The following MAML3 variants were observed in gnomAD, a reference collection of about 807,000 sequenced individuals.
MAML3 encodes mastermind-like protein 3.
A neutral mutation model predicts 101.9 loss-of-function variants in MAML3; 27 were observed. That is an observed-to-expected ratio of 0.27 (90% CI 0.20 to 0.37). The LOEUF (loss-of-function observed/expected upper bound fraction) is 0.37, where lower values mean the gene tolerates loss of function less well. Ranked by LOEUF, MAML3 falls within the 10% of genes least tolerant of loss-of-function variation. The probability of loss-of-function intolerance (pLI) is 1.00; values close to 1 mark genes in which losing one functional copy is unlikely to be tolerated. For missense variants in MAML3, 1,316 were observed against 1,444.9 expected (o/e 0.91, Z 1.45); for synonymous variants, 501 against 555.9 (o/e 0.90, Z 1.39).
intron 2 of MAML3, among the ~76,000 whole-genome samples, chr4:139,733,011 C>A (rs1302910044): frequency 6.6e-6 from 1 of 152,136 alleles, no homozygotes; most frequent in South Asian, 2.1e-4. Context: ...CAGGACTAAC[C>A]CTTGCAGGGG....
At chr4:140,082,885 T>C (rs1212654364) in intron 1 of MAML3, among the ~76,000 whole-genome samples, 1 of 152,112 alleles carries the variant, frequency 6.6e-6, no homozygotes, top group Non-Finnish European at 1.5e-5. Flanking sequence ...GAAGGTTCTA[T>C]TTACAAGTGA....
At chr4:139,814,849 C>T (rs189238111) in intron 2 of MAML3, among the ~76,000 whole-genome samples, 102 of 152,250 alleles carry the variant, frequency 6.7e-4, no homozygotes, top group African/African-American at 2.4e-3. Flanking sequence ...CAGTAAAGAG[C>T]GTAGGGCTGG....
chr4:139,755,794 T>C (rs548893327), intron 2 of MAML3, among the ~76,000 whole-genome samples: 270 of 152,228 alleles, frequency 1.8e-3, no homozygotes, highest in African/African-American at 5.3e-3. Context: ...TCTACCAAAA[T>C]TTCTGGTTGT....
chr4:139,932,215 C>T (rs1403271025), intron 1 of MAML3, among the ~76,000 whole-genome samples: 6 of 150,364 alleles, frequency 4.0e-5, no homozygotes, highest in African/African-American at 7.4e-5. Context: ...ATTAGTTCCT[C>T]GATGGTTTAT....
chr4:139,911,650 G>A (rs938603762), intron 1 of MAML3, among the ~76,000 whole-genome samples: 5 of 152,218 alleles, frequency 3.3e-5, no homozygotes, highest in African/African-American at 1.2e-4. Context: ...GGTAGGAGGT[G>A]CAGCCTTTGG....
rs372183119 is a variant in MAML3 at position 139,950,231 on chromosome 4, G to A, written c.469-59264C>T. On this transcript the variant is annotated intron_variant, in intron 1 of 4. Transcript: ENST00000509479. ...AATTTTTTGTATTTTTAGTAGAGACGGGGTTTCACCATGCTGGCCAGGCTG... is the reference window on the plus strand; with the variant it reads ...AATTTTTTGTATTTTTAGTAGAGACAGGGTTTCACCATGCTGGCCAGGCTG... Among the ~76,000 whole-genome samples, 846 of 152,086 alleles carry A rather than the reference G, an allele frequency of 5.6e-3. 10 individuals carry two copies. Among genetic ancestry groups the A allele is most frequent in the African/African-American group, 0.019 (806 of 41,488 alleles).
At chr4:139,742,549 C>T (rs116373049) in intron 2 of MAML3, among the ~76,000 whole-genome samples, 9,391 of 152,242 alleles carry the variant, frequency 0.062, 477 homozygotes, top group Admixed American at 0.14. Context: ...CTCTTAGTAT[C>T]GTCCCTATTA....
chr4:140,124,488 G>A (rs1370961495), intron 1 of MAML3, among the ~76,000 whole-genome samples: 5 of 152,124 alleles, frequency 3.3e-5, no homozygotes, highest in Non-Finnish European at 5.9e-5. Context: ...AAGTTTTCTC[G>A]TAATTTGGGA....
intron 1 of MAML3, among the ~76,000 whole-genome samples, chr4:140,020,071 C>G (rs1305880454): frequency 6.6e-6 from 1 of 152,180 alleles, no homozygotes; most frequent in East Asian, 1.9e-4. Flanking sequence ...TCAGAAGATT[C>G]TTCCCACTGC....
In MAML3 at chr4:139,720,318, G is replaced by A. The variant is rs1422602644; in HGVS notation, c.2422C>T (p.Pro808Ser). 1.3e-6 allele frequency: 2 copies of A among 1,527,466 alleles called. No individual in the cohort carries two copies. Among genetic ancestry groups the A allele is most frequent in the East Asian group, 2.3e-5 (1 of 44,068 alleles). 94.6% of individuals were successfully genotyped at this position (1,527,466 alleles called of 1,614,324 possible). ...CTTCTTACGGCTGCTATATCCTGGG[G>A]AGAACCTGCAGTGAAAAAGAGGACA... ...VQQVNQFQGS[P>S]QDIAAVRSQA... The change falls in exon 5 of 5, where the codon CCC (proline) becomes TCC (serine). Residue 808 changes from proline (P) to serine (S), a missense_variant. By Grantham distance (74) the Pro-to-Ser change is moderately conservative. Transcript: ENST00000509479.
chr4:140,118,800 C>T (rs1003856027), intron 1 of MAML3, among the ~76,000 whole-genome samples: 5 of 152,118 alleles, frequency 3.3e-5, no homozygotes, highest in Admixed American at 6.5e-5. Flanking sequence ...ACATTCTCTC[C>T]GATTGCAAAA....
chr4:140,099,229 T>TCACACACACA (rs57140878), intron 1 of MAML3, among the ~76,000 whole-genome samples: 20 of 147,166 alleles, frequency 1.4e-4, no homozygotes, highest in African/African-American at 4.0e-4. Flanking sequence ...TGGAAGTATA[T>TCACACACACA]CACACACACA....
chr4:140,150,554 C>T (rs1729141127), intron 1 of MAML3, among the ~76,000 whole-genome samples: 1 of 152,200 alleles, frequency 6.6e-6, no homozygotes, highest in African/African-American at 2.4e-5. Flanking sequence ...GTCCTTGATC[C>T]CCAAAGGTTG....
At chr4:140,151,552 G>C (rs1478514187) in intron 1 of MAML3, among the ~76,000 whole-genome samples, 2 of 152,158 alleles carry the variant, frequency 1.3e-5, no homozygotes, top group Non-Finnish European at 2.9e-5. Flanking sequence ...TAAACCGCAC[G>C]ACGGGAGGGC....
intron 2 of MAML3, among the ~76,000 whole-genome samples, chr4:139,852,098 T>A (rs558016335): frequency 6.6e-6 from 1 of 152,314 alleles, no homozygotes; most frequent in Non-Finnish European, 1.5e-5. Flanking sequence ...ATGTATAGAT[T>A]TACAAATTTG....
chr4:140,022,664 C>T (rs1460156966), intron 1 of MAML3, among the ~76,000 whole-genome samples: 2 of 152,160 alleles, frequency 1.3e-5, no homozygotes, highest in East Asian at 1.9e-4. Flanking sequence ...ACAGGAGGCA[C>T]AGTCAGAAGA....
chr4:140,134,408 G>C, intron 1 of MAML3: 1 of 456,646 alleles, frequency 2.2e-6, no homozygotes, highest in South Asian at 1.5e-5. Flanking sequence ...CACAGGCATA[G>C]ATGTTCCCCA....
chr4:139,968,090 C>A (rs1201921525), intron 1 of MAML3, among the ~76,000 whole-genome samples: 1 of 151,766 alleles, frequency 6.6e-6, no homozygotes, highest in Non-Finnish European at 1.5e-5. Context: ...ACCAGCCTGG[C>A]CAGCATGGTG....
At chr4:139,750,997 T>C (rs1729483770) in intron 2 of MAML3, among the ~76,000 whole-genome samples, 1 of 152,198 alleles carries the variant, frequency 6.6e-6, no homozygotes, top group Non-Finnish European at 1.5e-5. Context: ...CCTCCTGTGA[T>C]TCAATCACTC....
Sources: gnomAD v4.1 joint callset for allele counts (sites outside exome capture counted in the v4.1 genomes callset) on GRCh38, gnomAD v4.1.1 for gene constraint, MANE v1.5 for transcripts, NCBI Gene and HGNC (gene_info 2026-07-23, HGNC 2026-07-21) for gene names.